Variants in PDE4D observed in about 807,000 individuals in gnomAD.
PDE4D encodes 3',5'-cyclic-AMP phosphodiesterase 4D.
PDE4D carries 24 observed loss-of-function variants against 87.4 expected under a neutral mutation model. The observed-to-expected ratio is 0.27, with a 90% confidence interval of 0.20 to 0.39. The LOEUF (loss-of-function observed/expected upper bound fraction) is 0.39. Among genes scored for constraint, PDE4D ranks in the 10% least tolerant of loss-of-function variants. PDE4D has a pLI of 1.00. For missense variants in PDE4D, 714 were observed against 1,041.0 expected (o/e 0.69, Z 4.32); for synonymous variants, 384 against 383.2 (o/e 1.00, Z -0.02).
At chr5:59,197,335 T>C (rs896965502) in intron 2 of PDE4D, among the ~76,000 whole-genome samples, 6 of 152,280 alleles carry the variant, frequency 3.9e-5, no homozygotes, top group African/African-American at 1.4e-4. Flanking sequence ...ATCATTTTAG[T>C]GAAGGAAATA....
intron 12 of PDE4D, 42 bp downstream of exon 12, chr5:58,977,149 T>C: frequency 6.4e-7 from 1 of 1,552,334 alleles, no homozygotes; most frequent in Non-Finnish European, 8.7e-7. Flanking sequence ...TATAAACAAC[T>C]TGCATCACAG....
At chr5:59,652,994 A>G (rs937187245) in intron 1 of PDE4D, among the ~76,000 whole-genome samples, 6 of 152,118 alleles carry the variant, frequency 3.9e-5, no homozygotes, top group Admixed American at 1.3e-4. Flanking sequence ...AAACAAATCC[A>G]TTGATATTTA....
At chr5:58,988,371 C>T in intron 11 of PDE4D, 122 bp downstream of exon 11, 1 of 410,158 alleles carries the variant, frequency 2.4e-6, no homozygotes, top group Non-Finnish European at 4.3e-6. Flanking sequence ...ATCACTAAAA[C>T]ACATATATAC....
At chr5:59,772,868 A>G (rs892682603) in intron 1 of PDE4D, among the ~76,000 whole-genome samples, 1 of 152,206 alleles carries the variant, frequency 6.6e-6, no homozygotes, top group East Asian at 1.9e-4. Context: ...TTTAGAAATG[A>G]AAAGTTTATT....
chr5:59,649,902 AACCTTTTTTTTTTTT>A lies in PDE4D; in HGVS notation c.455+243251_455+243265del, dbSNP rs1196254394. On this transcript the variant is annotated intron_variant, in intron 1 of 14. Coordinates refer to ENST00000340635, the MANE Select transcript of PDE4D (RefSeq NM_001104631.2). ...ATTGTTAAAATGTTGATAGTTTGTG[AACCTTTTTTTTTTTT>A]TTTTTTTTTTTTTTTAGCAATGACC... Among the ~76,000 whole-genome samples, 11 of 43,794 alleles carry A rather than the reference AACCTTTTTTTTTTTT, an allele frequency of 2.5e-4. 2 individuals are homozygous for A. The highest frequency in any genetic ancestry group is 3.3e-4 in the Non-Finnish European group (8 of 23,892). The allele number at this position is 43,794 out of a possible 152,430, so 28.7% of individuals were successfully genotyped here.
chr5:59,500,633 G>A (rs1289600601), intron 1 of PDE4D, among the ~76,000 whole-genome samples: 1 of 151,562 alleles, frequency 6.6e-6, no homozygotes, highest in Non-Finnish European at 1.5e-5. Context: ...GTGAGCAAGT[G>A]TTGAAAAACT....
At chr5:59,886,337 G>A (rs1750140648) in intron 1 of PDE4D, among the ~76,000 whole-genome samples, 1 of 151,988 alleles carries the variant, frequency 6.6e-6, no homozygotes, top group Admixed American at 6.6e-5. Flanking sequence ...CCAACACAGT[G>A]AAACCCCGTC....
At chr5:59,091,701 A>T (rs909645985) in intron 5 of PDE4D, among the ~76,000 whole-genome samples, 5 of 152,124 alleles carry the variant, frequency 3.3e-5, no homozygotes, top group African/African-American at 4.8e-5. Context: ...ACAGGAAATT[A>T]TAGGGTCTTT....
chr5:59,706,628 GGAT>G (rs1753442634), intron 1 of PDE4D, among the ~76,000 whole-genome samples: 1 of 152,150 alleles, frequency 6.6e-6, no homozygotes, highest in Admixed American at 6.6e-5. Context: ...TCTTGCTTAA[GGAT>G]GATGCTTCAT....
intron 5 of PDE4D, among the ~76,000 whole-genome samples, chr5:59,124,871 T>C (rs1050765265): frequency 2.6e-5 from 4 of 152,200 alleles, no homozygotes; most frequent in African/African-American, 9.6e-5. Flanking sequence ...TATCTATATA[T>C]TTTTATTAAA....
chr5:58,981,325 C>A (rs938557463), intron 11 of PDE4D, among the ~76,000 whole-genome samples: 3 of 152,102 alleles, frequency 2.0e-5, no homozygotes, highest in Non-Finnish European at 4.4e-5. Context: ...ATCCTGCATA[C>A]AACTAAAAGC....
At chr5:59,980,918 GT>G (rs1761857950) in intron 3 of PDE4D, among the ~76,000 whole-genome samples, 1 of 152,124 alleles carries the variant, frequency 6.6e-6, no homozygotes, top group Admixed American at 6.5e-5. Context: ...ATATTTTAAA[GT>G]GCTCCATCAC....
intron 4 of PDE4D, among the ~76,000 whole-genome samples, chr5:59,181,020 A>G (rs530930360): frequency 2.0e-5 from 3 of 152,324 alleles, no homozygotes; most frequent in African/African-American, 7.2e-5. Context: ...CAGGGTTAAG[A>G]AATTTTTATT....
intron 3 of PDE4D, among the ~76,000 whole-genome samples, chr5:59,929,943 A>G (rs1438210735): frequency 4.6e-5 from 7 of 152,168 alleles, no homozygotes; most frequent in African/African-American, 1.4e-4. Flanking sequence ...GCTTCATGCA[A>G]ATATAATCTT....
intron 5 of PDE4D, among the ~76,000 whole-genome samples, chr5:59,160,669 A>G (rs1780935869): frequency 6.6e-6 from 1 of 152,124 alleles, no homozygotes; most frequent in East Asian, 1.9e-4. Context: ...AGGAACAGAC[A>G]AATTTGTGAA....
intron 1 of PDE4D, among the ~76,000 whole-genome samples, chr5:60,296,749 T>C (rs1404602109): frequency 6.6e-6 from 1 of 152,210 alleles, no homozygotes; most frequent in Non-Finnish European, 1.5e-5. Flanking sequence ...TACCATGGAA[T>C]ACTACGCCAC....
intron 5 of PDE4D, among the ~76,000 whole-genome samples, chr5:59,072,783 AT>A (rs1191646728): frequency 6.6e-6 from 1 of 152,072 alleles, no homozygotes; most frequent in Non-Finnish European, 1.5e-5. Context: ...AGTAGTCTGA[AT>A]TTGTCTTTAA....
At chr5:59,282,635 C>T (rs1333376523) in intron 1 of PDE4D, among the ~76,000 whole-genome samples, 30 of 101,888 alleles carry the variant, frequency 2.9e-4, no homozygotes, top group African/African-American at 1.2e-3. Flanking sequence ...AAGAGTGAAA[C>T]TCCAGCTCAA....
At chr5:60,444,517 G>C (rs1197231780) in intron 1 of PDE4D, among the ~76,000 whole-genome samples, 2 of 152,118 alleles carry the variant, frequency 1.3e-5, no homozygotes, top group Non-Finnish European at 2.9e-5. Context: ...TAAAAATAAA[G>C]GAGAGAGATC....
Sources: gnomAD v4.1 joint callset for allele counts (sites outside exome capture counted in the v4.1 genomes callset) on GRCh38, gnomAD v4.1.1 for gene constraint, MANE v1.5 for transcripts, NCBI Gene and HGNC (gene_info 2026-07-23, HGNC 2026-07-21) for gene names.